The following AUTS2 variants were observed in gnomAD, a reference collection of about 807,000 sequenced individuals.
The protein encoded by AUTS2 is autism susceptibility gene 2 protein.
In AUTS2, 17 loss-of-function variants were observed where a neutral mutation model predicts 112.4. That is an observed-to-expected ratio of 0.15 (90% CI 0.10 to 0.23). The LOEUF is 0.23. Among genes scored for constraint, AUTS2 ranks in the 10% least tolerant of loss-of-function variants. The probability of loss-of-function intolerance (pLI) is 1.00; values close to 1 mark genes in which losing one functional copy is unlikely to be tolerated. For synonymous variants in AUTS2, 751 were observed against 702.7 expected (o/e 1.07, Z -1.09); for missense variants, 1,510 against 1,701.6 (o/e 0.89, Z 1.98).
At chr7:69,726,642 T>C (rs1472444607) in intron 1 of AUTS2, among the ~76,000 whole-genome samples, 6 of 152,138 alleles carry the variant, frequency 3.9e-5, no homozygotes, top group Non-Finnish European at 8.8e-5. Context: ...TCCAAAGTGG[T>C]TGTACCATTT....
chr7:70,401,260 T>C (rs540384859), intron 4 of AUTS2, among the ~76,000 whole-genome samples: 17 of 152,336 alleles, frequency 1.1e-4, no homozygotes, highest in African/African-American at 4.1e-4. Context: ...ATCCTCCACA[T>C]CTTCCTCCTT....
At chr7:70,203,200 C>T (rs1390818720) in intron 4 of AUTS2, among the ~76,000 whole-genome samples, 8 of 68,438 alleles carry the variant, frequency 1.2e-4, no homozygotes, top group Non-Finnish European at 1.3e-4. Flanking sequence ...GTGGTGGGGT[C>T]GGGGGAGGGG....
chr7:70,062,978 A>G (rs1802322188), intron 2 of AUTS2, among the ~76,000 whole-genome samples: 1 of 152,170 alleles, frequency 6.6e-6, no homozygotes, highest in African/African-American at 2.4e-5. Flanking sequence ...TCCAGTGTGA[A>G]GGCCAGGTGC....
At chr7:70,789,661 ACAC>A in intron 18 of AUTS2, 84 bp from the exon 19 acceptor site, 2 of 1,484,274 alleles carry the variant, frequency 1.3e-6, no homozygotes, top group East Asian at 4.6e-5. Flanking sequence ...TGTCCTCTTC[ACAC>A]CACCATTTCA....
At chr7:69,670,292 T>G (rs1216724795) in intron 1 of AUTS2, among the ~76,000 whole-genome samples, 1 of 152,146 alleles carries the variant, frequency 6.6e-6, no homozygotes, top group Non-Finnish European at 1.5e-5. Flanking sequence ...CCTAAAATTC[T>G]GTGATTTTTC....
At chr7:70,784,742 TAAAAAAAAAAAAAAAAAA>T (rs71077682) in intron 15 of AUTS2, 182 bp from the exon 16 acceptor site, 8 of 281,054 alleles carry the variant, frequency 2.8e-5, no homozygotes, top group African/African-American at 2.2e-4. Flanking sequence ...TTCTGCTTCC[TAAAAAAAAAAAAAAAAAA>T]AAAAAAAAAA....
chr7:70,759,259 G>T (rs1789408803), intron 6 of AUTS2, among the ~76,000 whole-genome samples: 1 of 152,164 alleles, frequency 6.6e-6, no homozygotes, highest in South Asian at 2.1e-4. Context: ...AAGCCTTCTG[G>T]TTTACAAAAC....
At chr7:70,458,025 ACAAAGCCCCACAACCGCCAAATT>A (rs1474616978) in intron 5 of AUTS2, among the ~76,000 whole-genome samples, 1 of 148,362 alleles carries the variant, frequency 6.7e-6, no homozygotes, top group Non-Finnish European at 1.5e-5. Flanking sequence ...AAGGCTGAAC[ACAAAGCCCCACAACCGCCAAATT>A]CCCTTTCAAG....
chr7:69,835,468 G>C (rs1791680865), intron 1 of AUTS2, among the ~76,000 whole-genome samples: 3 of 152,156 alleles, frequency 2.0e-5, no homozygotes, highest in Admixed American at 1.3e-4. Context: ...CTGTTAGTGG[G>C]AGCTTAGAGG....
At chr7:70,103,701 T>A (rs1041901860) in intron 2 of AUTS2, among the ~76,000 whole-genome samples, 80 of 151,494 alleles carry the variant, frequency 5.3e-4, no homozygotes, top group Admixed American at 5.1e-3. Flanking sequence ...GGTCAGGAGT[T>A]CTAGACCAGC....
At chr7:70,416,269 A>C (rs2130572015) in intron 4 of AUTS2, among the ~76,000 whole-genome samples, 1 of 152,364 alleles carries the variant, frequency 6.6e-6, no homozygotes, top group African/African-American at 2.4e-5. Context: ...GCATAACTAC[A>C]ACAACCCATC....
rs143022768 is a variant in AUTS2 at position 69,819,156 on chromosome 7, G to A, written c.310-80130G>A. Among the ~76,000 whole-genome samples, 62 of 152,248 alleles carry A rather than the reference G, an allele frequency of 4.1e-4. 1 individual carries two copies. The East Asian group carries it at 0.011, about 28-fold the overall frequency. ...CTTGTGATGGAAATGACTTTTGAACGGAAGGGAATTGTGCAACACATCAAA... is the reference window on the plus strand; with the variant it reads ...CTTGTGATGGAAATGACTTTTGAACAGAAGGGAATTGTGCAACACATCAAA... On this transcript the variant is annotated intron_variant, in intron 1 of 18. Transcript: ENST00000342771.
At chr7:70,297,324 T>A (rs1689275226) in intron 4 of AUTS2, among the ~76,000 whole-genome samples, 2 of 152,018 alleles carry the variant, frequency 1.3e-5, no homozygotes, top group African/African-American at 4.8e-5. Flanking sequence ...CTGAGAACCG[T>A]CTCCAAAGGG....
intron 2 of AUTS2, among the ~76,000 whole-genome samples, chr7:70,006,939 G>A (rs1008642097): frequency 7.2e-5 from 11 of 152,126 alleles, no homozygotes; most frequent in Admixed American, 5.9e-4. Flanking sequence ...AGATTTCTCT[G>A]TACATTGAAT....
At chr7:69,687,422 A>G (rs1797109986) in intron 1 of AUTS2, among the ~76,000 whole-genome samples, 2 of 152,202 alleles carry the variant, frequency 1.3e-5, no homozygotes, top group Admixed American at 1.3e-4. Flanking sequence ...TTGATATGCC[A>G]GTTTCAAGTC....
chr7:69,968,176 C>T (rs1225793376), intron 2 of AUTS2, among the ~76,000 whole-genome samples: 1 of 152,190 alleles, frequency 6.6e-6, no homozygotes, highest in Non-Finnish European at 1.5e-5. Flanking sequence ...AACAAATTGA[C>T]AGTCACTTCC....
At chr7:70,131,560 A>C (rs1396959517) in intron 3 of AUTS2, among the ~76,000 whole-genome samples, 1 of 152,198 alleles carries the variant, frequency 6.6e-6, no homozygotes, top group Non-Finnish European at 1.5e-5. Flanking sequence ...ACATCTGTCA[A>C]TAACTTACAG....
chr7:70,540,962 C>T (rs1370053360), intron 5 of AUTS2, among the ~76,000 whole-genome samples: 1 of 152,088 alleles, frequency 6.6e-6, no homozygotes, highest in African/African-American at 2.4e-5. Context: ...TGAGCAGGCA[C>T]CCCATGGAAA....
intron 6 of AUTS2, among the ~76,000 whole-genome samples, chr7:70,739,804 TAAAAAA>T (rs35729505): frequency 7.8e-4 from 109 of 139,536 alleles, no homozygotes; most frequent in Non-Finnish European, 7.6e-4. Flanking sequence ...CTCTAATTGT[TAAAAAA>T]AAAAAAAAAA....
Sources: allele counts gnomAD v4.1 joint callset (sites outside exome capture counted in the v4.1 genomes callset), GRCh38; gene constraint gnomAD v4.1.1; transcripts MANE v1.5; gene names NCBI Gene and HGNC (gene_info 2026-07-23, HGNC 2026-07-21).